The following GABRA6 variants were observed in gnomAD, a reference collection of about 807,000 sequenced individuals.
GABRA6 encodes the protein gamma-aminobutyric acid type A receptor subunit alpha6, also known as gamma-aminobutyric acid receptor subunit alpha-6.
A neutral mutation model predicts 47.3 loss-of-function variants in GABRA6; 45 were observed. That is an observed-to-expected ratio of 0.95 (90% CI 0.75 to 1.22). The LOEUF is 1.22. Ranked by LOEUF, GABRA6 falls within the 50% of genes most tolerant of loss-of-function variation. The pLI is 0.00. For missense variants in GABRA6, 583 were observed against 549.3 expected, an observed-to-expected ratio of 1.06 and a Z score of -0.61; for synonymous variants, 219 against 194.7, an observed-to-expected ratio of 1.12 and a Z score of -1.04.
intron 8 of GABRA6, among the ~76,000 whole-genome samples, chr5:161,693,246 T>A (rs1251583398): frequency 6.6e-6 from 1 of 152,218 alleles, no homozygotes; most frequent in East Asian, 1.9e-4. Flanking sequence ...GAAAAGGTGA[T>A]CATTTTCTTA....
At chr5:161,694,863 A>G (rs1343851512) in intron 8 of GABRA6, among the ~76,000 whole-genome samples, 1 of 152,178 alleles carries the variant, frequency 6.6e-6, no homozygotes, top group Non-Finnish European at 1.5e-5. Context: ...TTTGCATTAC[A>G]TTTGTTCGTG....
At chr5:161,689,211 G>C in intron 4 of GABRA6, 42 bp downstream of exon 4, 1 of 1,611,118 alleles carries the variant, frequency 6.2e-7, no homozygotes, top group Non-Finnish European at 8.5e-7. Context: ...TAAATGATAT[G>C]TCCATAATAC....
At chr5:161,699,647 A>G (rs1754944626) in intron 8 of GABRA6, among the ~76,000 whole-genome samples, 1 of 150,472 alleles carries the variant, frequency 6.6e-6, no homozygotes, top group Non-Finnish European at 1.5e-5. Context: ...TATTTCTAAT[A>G]GAGACGGGGT....
At chr5:161,691,880 T>G in intron 7 of GABRA6, 61 bp from the exon 8 acceptor site, 1 of 1,489,652 alleles carries the variant, frequency 6.7e-7, no homozygotes, top group Non-Finnish European at 9.3e-7. Context: ...CACATTCTCA[T>G]TTGATTTTGC....
intron 8 of GABRA6, among the ~76,000 whole-genome samples, chr5:161,696,890 C>G (rs955842093): frequency 2.0e-5 from 3 of 152,154 alleles, no homozygotes; most frequent in Non-Finnish European, 4.4e-5. Context: ...TTTCTAAAAA[C>G]AAATGCTTGG....
chr5:161,697,578 G>T (rs1317850932), intron 8 of GABRA6, among the ~76,000 whole-genome samples: 1 of 152,140 alleles, frequency 6.6e-6, no homozygotes, highest in Non-Finnish European at 1.5e-5. Context: ...TCCCCCAAGA[G>T]ACATTGGGCA....
rs771046922 is a variant in GABRA6 at position 161,687,018 on chromosome 5, A to C, written c.225+15A>C. On this transcript the variant is annotated intron_variant, in intron 3 of 8. Transcript: ENST00000274545. ...ATGTGGAGATGGTGAGTAAGTTCTA[A>C]GTGAGTTGGGTGTTTTCATTTCGGG... 5.1e-5 allele frequency: 82 copies of C among 1,611,580 alleles called. No homozygotes were observed. The highest frequency in any genetic ancestry group is 6.2e-5 in the Non-Finnish European group (73 of 1,177,846).
At position 161,686,385 on chromosome 5, in the gene GABRA6, G is replaced by GT. The variant is rs766834585; in HGVS notation, c.157+40dup. ...CATCTTTGCTACACAAACACCTGTA[G>GT]TTTCCTTCCTCCGTTTCTGCCCTTT... On this transcript the variant is annotated intron_variant, in intron 2 of 8. Coordinates refer to ENST00000274545, the MANE Select transcript of GABRA6 (RefSeq NM_000811.3). 6.8e-6 allele frequency: 10 copies of GT among 1,476,900 alleles called. No individual in the cohort carries two copies. In the East Asian group the frequency reaches 2.3e-4, roughly 33 times the overall value. The allele number at this position is 1,476,900 out of a possible 1,614,324, so 91.5% of individuals were successfully genotyped here. A position where few individuals can be genotyped will look rare whatever the true frequency, so the allele number is the denominator to read the frequency against.
intron 3 of GABRA6, chr5:161,687,461 C>A (rs1754720618): frequency 4.4e-6 from 2 of 452,138 alleles, no homozygotes; most frequent in Non-Finnish European, 8.9e-6. Flanking sequence ...TTTGGAAAGG[C>A]TGATGCTCTC....
chr5:161,698,988 T>A (rs1321962666), intron 8 of GABRA6, among the ~76,000 whole-genome samples: 1 of 152,216 alleles, frequency 6.6e-6, no homozygotes, highest in Non-Finnish European at 1.5e-5. Context: ...TATTTGGGAA[T>A]CCTCATTCAG....
At chr5:161,687,886 G>T (rs1422471785) in intron 3 of GABRA6, among the ~76,000 whole-genome samples, 1 of 152,058 alleles carries the variant, frequency 6.6e-6, no homozygotes, top group Non-Finnish European at 1.5e-5. Context: ...GAAAGAAAAG[G>T]AAAGAGGGAG....
At chr5:161,691,122 T>C (rs1402219760) in intron 7 of GABRA6, among the ~76,000 whole-genome samples, 6 of 151,872 alleles carry the variant, frequency 4.0e-5, no homozygotes, top group Admixed American at 3.9e-4. Context: ...AGTGATAAAT[T>C]TTATCTTCTA....
chr5:161,689,141 C>T lies in GABRA6; in HGVS notation c.418C>T (p.Gln140Ter). ...TCCTAATAAACTCTTCAGAATAATG[C>T]AGAATGGAACCATTTTATACACCAT... ...TTPNKLFRIM[Q>*]NGTILYTMRL... The change falls in exon 4 of 9, where the codon CAG becomes TAG. Residue 140 changes from glutamine (Q) to a stop codon, truncating the protein, a stop_gained. Coordinates refer to ENST00000274545, the MANE Select transcript of GABRA6 (RefSeq NM_000811.3). LOFTEE classifies it high-confidence loss of function. The T allele has an allele frequency of 6.2e-7, 1 of 1,613,922 alleles. No homozygotes were observed. Among genetic ancestry groups the T allele is most frequent in the South Asian group, 1.1e-5 (1 of 91,070 alleles).
intron 3 of GABRA6, among the ~76,000 whole-genome samples, chr5:161,688,205 A>C (rs1351544544): frequency 6.6e-6 from 1 of 152,168 alleles, no homozygotes; most frequent in East Asian, 1.9e-4. Flanking sequence ...GCTTGCCATA[A>C]TACGTTTCAT....
chr5:161,687,776 T>C (rs1754726765), intron 3 of GABRA6: 1 of 165,050 alleles, frequency 6.1e-6, no homozygotes. Flanking sequence ...TTTTCTGCTT[T>C]TTTAAGTTGG....
At position 161,688,946 on chromosome 5, in the gene GABRA6, T is replaced by C. The variant is rs756696471; in HGVS notation, c.226-3T>C. Reference sequence around the variant, plus strand: ...CCCACACAAATATTTTATTTTCTCTTAGGAGTATACGATGGATGTTTTTTT... The same window carrying C: ...CCCACACAAATATTTTATTTTCTCTCAGGAGTATACGATGGATGTTTTTTT... On this transcript the variant is annotated splice_region_variant and splice_polypyrimidine_tract_variant and intron_variant, in intron 3 of 8. Transcript: ENST00000274545. 6.2e-7 allele frequency: 1 copy of C among 1,610,432 alleles called. No homozygotes were observed. The highest frequency in any genetic ancestry group is 1.1e-5 in the South Asian group (1 of 90,994).
chr5:161,699,646 TAG>T (rs761742259), intron 8 of GABRA6, among the ~76,000 whole-genome samples: 36 of 150,882 alleles, frequency 2.4e-4, no homozygotes, highest in Admixed American at 5.3e-4. Context: ...GTATTTCTAA[TAG>T]AGACGGGGTT....
At position 161,692,191 on chromosome 5, in the gene GABRA6, G is replaced by A. The variant is rs1393542595; in HGVS notation, c.1077G>A (p.Glu359=). 1.2e-6 allele frequency: 2 copies of A among 1,614,220 alleles called. No individual in the cohort carries two copies. Among genetic ancestry groups the A allele is most frequent in the East Asian group, 4.5e-5 (2 of 44,882 alleles). Residue 359 remains glutamate (E), a synonymous_variant, in exon 8 of 9, where the codon GAG becomes GAA. Coordinates refer to ENST00000274545, the MANE Select transcript of GABRA6 (RefSeq NM_000811.3). ...AAGCTACTGAACCTTTGGAAGCTGA[G>A]ATTGTTTTGGTAATTGTTTACTTTT... ...ISKATEPLEA[E]IVLHPDSKYH...
At position 161,690,331 on chromosome 5, in the gene GABRA6, C is replaced by T. The variant is rs141588936; in HGVS notation, c.804C>T (p.Ser268=). 1.2e-5 allele frequency: 19 copies of T among 1,613,442 alleles called. No individual in the cohort carries two copies. Among genetic ancestry groups the T allele is most frequent in the African/African-American group, 9.3e-5 (7 of 74,872 alleles). The change falls in exon 7 of 9, where the codon TCC becomes TCT. Residue 268 remains serine (S), a synonymous_variant. Coordinates refer to ENST00000274545, the MANE Select transcript of GABRA6 (RefSeq NM_000811.3). ...TGTCTTTCTGGATTAATAAGGAGTC[C>T]GTCCCAGCAAGAACTGTTTTTGGTA... ...SQVSFWINKE[S]VPARTVFGIT...
Sources: allele counts gnomAD v4.1 joint callset (sites outside exome capture counted in the v4.1 genomes callset), GRCh38; gene constraint gnomAD v4.1.1; transcripts MANE v1.5; gene names NCBI Gene and HGNC (gene_info 2026-07-23, HGNC 2026-07-21).